Variants in DDX31 observed in about 807,000 individuals in gnomAD.
DDX31 encodes DEAD-box helicase 31.
In DDX31, 70 loss-of-function variants were observed where a neutral mutation model predicts 91.3. The ratio of observed to expected loss-of-function variants is 0.77; its 90% CI spans 0.63 to 0.94. DDX31 has a LOEUF of 0.94. DDX31 is among the 40% of genes least tolerant of loss of function. The pLI is 0.00. For missense variants in DDX31, 902 were observed against 925.0 expected (o/e 0.98, Z 0.32); for synonymous variants, 362 against 350.6 (o/e 1.03, Z -0.36).
chr9:132,648,587 C>A lies in DDX31; in HGVS notation c.741-36G>T, dbSNP rs766088875. On this transcript the variant is annotated intron_variant, in intron 9 of 19. Transcript: ENST00000372159. ...TTATATATCATAAAAGAAAGTAAAT[C>A]AAACAGGGCCACGCCAGTAGAAAAC... The A allele has an allele frequency of 1.9e-6, 3 of 1,587,530 alleles. No homozygotes were observed. The East Asian group carries it at 6.7e-5, about 36-fold the overall frequency.
intron 1 of DDX31, among the ~76,000 whole-genome samples, chr9:132,667,688 C>T (rs1281660021): frequency 6.6e-6 from 1 of 152,088 alleles, no homozygotes; most frequent in East Asian, 1.9e-4. Context: ...AATTAATCCC[C>T]TTTTGATAAC....
chr9:132,644,563 G>T (rs778350383), intron 13 of DDX31, among the ~76,000 whole-genome samples: 9 of 152,098 alleles, frequency 5.9e-5, no homozygotes, highest in Non-Finnish European at 1.2e-4. Flanking sequence ...CTACTCCCCT[G>T]TTACAAAGTG....
rs760023269 is a variant in DDX31 at position 132,662,430 on chromosome 9, T to A, written c.332+9A>T. The A allele has an allele frequency of 1.2e-6, 2 of 1,614,128 alleles. No individual in the cohort carries two copies. The highest frequency in any genetic ancestry group is 1.7e-6 in the Non-Finnish European group (2 of 1,179,972). ...TTTCTTCCTGAAGGGCATCCGCCCC[T>A]GGACATACCTGTGGAGTTCTGGAAT... On this transcript the variant is annotated intron_variant, in intron 2 of 19. Transcript: ENST00000372159.
At chr9:132,652,750 G>A (rs1447787838) in intron 6 of DDX31, among the ~76,000 whole-genome samples, 1 of 151,946 alleles carries the variant, frequency 6.6e-6, no homozygotes, top group African/African-American at 2.4e-5. Context: ...AATCAGGGGG[G>A]CCGGTTATTC....
chr9:132,663,584 G>T (rs1835123536), intron 1 of DDX31: 3 of 945,722 alleles, frequency 3.2e-6, no homozygotes, highest in Non-Finnish European at 3.8e-6. Context: ...GAATATAAAA[G>T]CATCCCTTGA....
At chr9:132,648,735 G>A (rs1380303523) in intron 9 of DDX31, among the ~76,000 whole-genome samples, 184 bp from the exon 10 acceptor site, 5 of 152,168 alleles carry the variant, frequency 3.3e-5, no homozygotes. Context: ...CCTGTACTGT[G>A]AAATGCAATT....
At chr9:132,663,177 A>T in intron 1 of DDX31, 1 of 1,288,622 alleles carries the variant, frequency 7.8e-7, no homozygotes, top group Admixed American at 2.3e-5. Flanking sequence ...GGCGAGGGGG[A>T]ATGCGCATCT....
chr9:132,665,922 T>C (rs1835278111), intron 1 of DDX31, among the ~76,000 whole-genome samples: 2 of 152,242 alleles, frequency 1.3e-5, no homozygotes, highest in Non-Finnish European at 2.9e-5. Context: ...CCAGGCATCA[T>C]GATTCTACAT....
chr9:132,667,629 A>AC (rs1835403373), intron 1 of DDX31, among the ~76,000 whole-genome samples: 2 of 151,908 alleles, frequency 1.3e-5, no homozygotes, highest in African/African-American at 4.8e-5. Context: ...ACAAAACAAA[A>AC]AACGTAGATC....
At chr9:132,600,176 G>T (rs1355011982) in intron 19 of DDX31, among the ~76,000 whole-genome samples, 2 of 152,248 alleles carry the variant, frequency 1.3e-5, no homozygotes, top group East Asian at 3.8e-4. Context: ...TACCTTTTAT[G>T]GTCAGTGAGG....
chr9:132,638,038 G>C (rs1215644188), intron 14 of DDX31: 46 of 1,181,648 alleles, frequency 3.9e-5, no homozygotes, highest in Non-Finnish European at 4.7e-5. Flanking sequence ...CGGAGAAGGT[G>C]GAGGAAAGCA....
chr9:132,663,441 T>C, intron 1 of DDX31: 1 of 985,428 alleles, frequency 1.0e-6, no homozygotes, highest in Non-Finnish European at 1.2e-6. Context: ...TACACAGCAC[T>C]AGGGATCTCT....
chr9:132,642,526 C>A (rs1269183067), intron 13 of DDX31, among the ~76,000 whole-genome samples: 1 of 151,870 alleles, frequency 6.6e-6, no homozygotes, highest in African/African-American at 2.4e-5. Context: ...AATATATTTA[C>A]ATTAGAGGAA....
rs923244296 is a variant in DDX31 at position 132,595,379 on chromosome 9, A to G, written c.1995-267T>C. Among the ~76,000 whole-genome samples, 9 of 152,236 alleles carry G rather than the reference A, an allele frequency of 5.9e-5. No individual in the cohort carries two copies. Among genetic ancestry groups the G allele is most frequent in the Non-Finnish European group, 2.9e-5 (2 of 68,040 alleles). ...CTGTGTTGTTTTCATGGGGAAAAAA[A>G]GAACTATACACCCTCATGCTCTGAT... On this transcript the variant is annotated intron_variant, in intron 19 of 19. Transcript: ENST00000372159. The surrounding 1 kb of genome is among the most constrained non-coding windows in gnomAD (Gnocchi z 4.6).
chr9:132,606,526 C>T (rs149072908), intron 19 of DDX31, among the ~76,000 whole-genome samples: 37 of 152,306 alleles, frequency 2.4e-4, no homozygotes, highest in African/African-American at 8.2e-4. Flanking sequence ...AGAAGCAATG[C>T]GACAATATGG....
At chr9:132,630,531 C>T in intron 15 of DDX31, 128 bp from the exon 16 acceptor site, 3 of 948,262 alleles carry the variant, frequency 3.2e-6, no homozygotes, top group South Asian at 3.3e-5. Flanking sequence ...TACCCTAACA[C>T]AATCACAAGG....
At chr9:132,661,396 G>C in intron 3 of DDX31, 145 bp from the exon 4 acceptor site, 2 of 729,012 alleles carry the variant, frequency 2.7e-6, no homozygotes, top group Admixed American at 5.7e-5. Context: ...CTCTCTACTT[G>C]GGGCGATTCT....
At chr9:132,618,587 AAG>A in intron 17 of DDX31, 146 bp from the exon 18 acceptor site, 1 of 600,860 alleles carries the variant, frequency 1.7e-6, no homozygotes, top group Non-Finnish European at 2.8e-6. Context: ...ACTAGGAAAA[AAG>A]GGAGCTATAG....
intron 5 of DDX31, 103 bp downstream of exon 5, chr9:132,659,607 A>G (rs1430748820): frequency 7.7e-6 from 9 of 1,175,700 alleles, no homozygotes; most frequent in Non-Finnish European, 1.1e-5. Flanking sequence ...CCCAAACGAA[A>G]CAAAACTGCC....
Sources: allele counts gnomAD v4.1 joint callset (sites outside exome capture counted in the v4.1 genomes callset), GRCh38; gene constraint gnomAD v4.1.1; non-coding constraint Gnocchi (gnomAD v3.1); transcripts MANE v1.5; gene names NCBI Gene and HGNC (gene_info 2026-07-23, HGNC 2026-07-21).